MAD1L1: variants seen among roughly 807,000 people sequenced by gnomAD.
MAD1L1 encodes mitotic arrest deficient 1 like 1.
Under a neutral mutation model 96.9 loss-of-function variants are expected in MAD1L1, and 95 were observed. That is an observed-to-expected ratio of 0.98 (90% CI 0.83 to 1.16). The LOEUF (loss-of-function observed/expected upper bound fraction) is 1.16, where lower values mean the gene tolerates loss of function less well. Among genes scored for constraint, MAD1L1 ranks in the 50% most tolerant of loss-of-function variants. The probability of loss-of-function intolerance (pLI) is 0.00; values close to 1 mark genes in which losing one functional copy is unlikely to be tolerated. For missense variants in MAD1L1, 1,007 were observed against 954.4 expected, an observed-to-expected ratio of 1.06 and a Z score of -0.73; for synonymous variants, 473 against 396.6, an observed-to-expected ratio of 1.19 and a Z score of -2.29.
At chr7:1,985,819 A>C (rs1781114405) in intron 14 of MAD1L1, among the ~76,000 whole-genome samples, 3 of 149,458 alleles carry the variant, frequency 2.0e-5, no homozygotes, top group Non-Finnish European at 3.0e-5. Flanking sequence ...CTGCTCTGAG[A>C]CCCTCCGGGT....
intron 18 of MAD1L1, among the ~76,000 whole-genome samples, chr7:1,816,820 G>A (rs1781832618): frequency 6.6e-6 from 1 of 151,986 alleles, no homozygotes; most frequent in African/African-American, 2.4e-5. Flanking sequence ...GCAAGCTGCT[G>A]TGCCACGGTC....
In MAD1L1 at chr7:1,905,053, T is replaced by C. The variant is rs548625164; in HGVS notation, c.1808-6663A>G. On this transcript the variant is annotated intron_variant, in intron 17 of 18. Coordinates refer to ENST00000265854, the MANE Select transcript of MAD1L1 (RefSeq NM_001013836.2). ...CAGGCAGCAAGGATGCAGTGGCCTA[T>C]GGAAGACGTTCTTGTGGAACTCATG... Among the ~76,000 whole-genome samples, 31 of 81,028 alleles carry C rather than the reference T, an allele frequency of 3.8e-4. 9 individuals are homozygous for C. In the South Asian group the frequency reaches 0.016, roughly 42 times the overall value. 53.2% of individuals were successfully genotyped at this position (81,028 alleles called of 152,430 possible). A position where few individuals can be genotyped will look rare whatever the true frequency, so the allele number is the denominator to read the frequency against.
At chr7:2,181,995 G>T (rs1009548713) in intron 10 of MAD1L1, among the ~76,000 whole-genome samples, 2 of 152,144 alleles carry the variant, frequency 1.3e-5, no homozygotes, top group African/African-American at 4.8e-5. Context: ...ACACAAAGGT[G>T]TAAGAGGGAT....
chr7:2,110,881 A>G (rs757242314), intron 11 of MAD1L1, among the ~76,000 whole-genome samples: 5 of 151,988 alleles, frequency 3.3e-5, no homozygotes, highest in African/African-American at 4.8e-5. Flanking sequence ...TCCCTCAAAC[A>G]CAGTTTCCCA....
chr7:1,888,925 G>A (rs919406759), intron 18 of MAD1L1, among the ~76,000 whole-genome samples: 1 of 152,228 alleles, frequency 6.6e-6, no homozygotes, highest in Admixed American at 6.5e-5. Flanking sequence ...CAATCACCCT[G>A]CAGTTCTCAC....
At chr7:2,120,853 C>A (rs1167572729) in intron 11 of MAD1L1, among the ~76,000 whole-genome samples, 1 of 152,192 alleles carries the variant, frequency 6.6e-6, no homozygotes, top group Non-Finnish European at 1.5e-5. Context: ...AGGCTGCAGG[C>A]AGGGATCAGA....
intron 12 of MAD1L1, among the ~76,000 whole-genome samples, chr7:2,053,399 A>G (rs1784266695): frequency 6.6e-6 from 1 of 152,200 alleles, no homozygotes; most frequent in Admixed American, 6.5e-5. Context: ...GGAGTCCAAT[A>G]TTCACCAGGC....
intron 15 of MAD1L1, among the ~76,000 whole-genome samples, chr7:1,959,713 A>G (rs1779873606): frequency 6.6e-6 from 1 of 152,248 alleles, no homozygotes; most frequent in Non-Finnish European, 1.5e-5. Flanking sequence ...CCAAAACAGA[A>G]GCAAATAAAG....
chr7:2,221,817 C>T (rs1042685765), intron 5 of MAD1L1, among the ~76,000 whole-genome samples: 25 of 152,152 alleles, frequency 1.6e-4, no homozygotes, highest in African/African-American at 5.6e-4. Flanking sequence ...CCACCATCCA[C>T]GACAGGGAAG....
intron 11 of MAD1L1, among the ~76,000 whole-genome samples, chr7:2,144,266 G>A (rs565933484): frequency 4.6e-5 from 7 of 152,336 alleles, no homozygotes; most frequent in South Asian, 2.1e-4. Flanking sequence ...GAAGCACAGC[G>A]CAGCGCATGG....
At chr7:2,186,439 G>T (rs1220219726) in intron 10 of MAD1L1, among the ~76,000 whole-genome samples, 1 of 152,212 alleles carries the variant, frequency 6.6e-6, no homozygotes, top group Non-Finnish European at 1.5e-5. Flanking sequence ...CAGGCCGTAT[G>T]ATGCCATTTG....
intron 10 of MAD1L1, among the ~76,000 whole-genome samples, chr7:2,188,581 A>T (rs1421573650): frequency 6.6e-6 from 1 of 152,238 alleles, no homozygotes; most frequent in Non-Finnish European, 1.5e-5. Flanking sequence ...AAAACCATTC[A>T]ATGAGGAATG....
At chr7:1,976,145 G>A (rs1415110274) in intron 15 of MAD1L1, among the ~76,000 whole-genome samples, 1 of 152,208 alleles carries the variant, frequency 6.6e-6, no homozygotes, top group Non-Finnish European at 1.5e-5. Flanking sequence ...GTGCATCTGG[G>A]CAAGAGCAGG....
chr7:1,928,181 T>C (rs1367322672), intron 17 of MAD1L1, among the ~76,000 whole-genome samples: 1 of 149,160 alleles, frequency 6.7e-6, no homozygotes. Flanking sequence ...CGCCTGAGAC[T>C]GTTCCCCACC....
At chr7:2,150,172 A>G (rs1413155364) in intron 10 of MAD1L1, among the ~76,000 whole-genome samples, 1 of 152,044 alleles carries the variant, frequency 6.6e-6, no homozygotes, top group Non-Finnish European at 1.5e-5. Context: ...GGCTACCTGC[A>G]CCCCTGGAAG....
At position 2,146,592 on chromosome 7, in the gene MAD1L1, C is replaced by T. The variant is rs1179038551; in HGVS notation, c.1073+2560G>A. 1.3e-5 allele frequency among the ~76,000 whole-genome samples: 2 copies of T among 152,244 alleles called. No individual in the cohort carries two copies. The highest frequency in any genetic ancestry group is 4.8e-5 in the African/African-American group (2 of 41,456). ...GACGAGGGAAAATGCCCAGCAGCTG[C>T]TCTCATGACCCGTGACCTCAGCTGG... On this transcript the variant is annotated intron_variant, in intron 11 of 18. Transcript: ENST00000265854. This position sits in a 1 kb window ranked among gnomAD's most constrained non-coding sequence, Gnocchi z 6.2.
rs1278612337 is a variant in MAD1L1 at position 1,968,482 on chromosome 7, T to C, written c.1506-10763A>G. 6.7e-6 allele frequency among the ~76,000 whole-genome samples: 1 copy of C among 150,052 alleles called. No individual in the cohort carries two copies. The highest frequency in any genetic ancestry group is 1.5e-5 in the Non-Finnish European group (1 of 67,788). On this transcript the variant is annotated intron_variant, in intron 15 of 18. Coordinates refer to ENST00000265854, the MANE Select transcript of MAD1L1 (RefSeq NM_001013836.2). This position sits in a 1 kb window ranked among gnomAD's most constrained non-coding sequence, Gnocchi z 5.6. ...CACCATCAATGCCTCAGTCCAGCGG[T>C]CAGGTCCACTGTCCATGCCTCAGTC...
chr7:2,154,230 C>CAGA (rs1183957485), intron 10 of MAD1L1, among the ~76,000 whole-genome samples: 1 of 152,182 alleles, frequency 6.6e-6, no homozygotes, highest in Admixed American at 6.5e-5. Flanking sequence ...TCAGGTGAAA[C>CAGA]CACCAGGAAC....
chr7:2,204,190 G>A (rs1040723289), intron 10 of MAD1L1, among the ~76,000 whole-genome samples: 1 of 152,150 alleles, frequency 6.6e-6, no homozygotes, highest in Admixed American at 6.5e-5. Context: ...AAACTCAGGG[G>A]ATGGGTCCCT....
Sources: gnomAD v4.1 joint callset for allele counts (sites outside exome capture counted in the v4.1 genomes callset) on GRCh38, gnomAD v4.1.1 for gene constraint, Gnocchi (gnomAD v3.1) non-coding constraint, MANE v1.5 for transcripts, NCBI Gene and HGNC (gene_info 2026-07-23, HGNC 2026-07-21) for gene names.